WRN: variants seen among roughly 807,000 people sequenced by gnomAD.
WRN encodes WRN RecQ like helicase.
WRN carries 149 observed loss-of-function variants against 180.7 expected under a neutral mutation model. The observed-to-expected ratio is 0.82, with a 90% CI of 0.72 to 0.94. The LOEUF is 0.94. Ranked by LOEUF, WRN falls within the 40% of genes least tolerant of loss-of-function variation. The pLI is 0.00. For synonymous variants in WRN, 548 were observed against 568.9 expected (o/e 0.96, Z 0.52); for missense variants, 1,661 against 1,700.1 (o/e 0.98, Z 0.40).
chr8:31,044,277 G>C (rs1047894682), intron 1 of WRN, among the ~76,000 whole-genome samples: 1 of 146,238 alleles, frequency 6.8e-6, no homozygotes, highest in East Asian at 2.1e-4. Context: ...TCCTGACCTT[G>C]TTATCTGCCC....
intron 1 of WRN, among the ~76,000 whole-genome samples, chr8:31,051,168 T>A (rs1269998659): frequency 6.6e-6 from 1 of 152,068 alleles, no homozygotes; most frequent in African/African-American, 2.4e-5. Flanking sequence ...ATGGTAACAG[T>A]AGGTATTAAT....
At chr8:31,151,571 C>G (rs557442201) in intron 31 of WRN, among the ~76,000 whole-genome samples, 1 of 152,198 alleles carries the variant, frequency 6.6e-6, no homozygotes, top group Admixed American at 6.5e-5. Context: ...GAATATCATA[C>G]CTACCAGCGG....
At chr8:31,067,547 AT>A (rs1812759474) in intron 6 of WRN, among the ~76,000 whole-genome samples, 1 of 152,200 alleles carries the variant, frequency 6.6e-6, no homozygotes, top group South Asian at 2.1e-4. Flanking sequence ...CAGAATGAAA[AT>A]AATTATAGTA....
In WRN at chr8:31,154,768, T is replaced by C. The variant is rs1803313857; in HGVS notation, c.3819+13T>C. The C allele has an allele frequency of 6.2e-7, 1 of 1,613,104 alleles. No individual in the cohort carries two copies. Among genetic ancestry groups the C allele is most frequent in the African/African-American group, 1.3e-5 (1 of 74,898 alleles). On this transcript the variant is annotated intron_variant, in intron 32 of 34. Coordinates refer to ENST00000298139, the MANE Select transcript of WRN (RefSeq NM_000553.6). Reference sequence around the variant, plus strand: ...GAAGATGCCTTTGGTAAGTGTGACTTTCATGTTACAGGGAATTTTTTTAGT... The same window carrying C: ...GAAGATGCCTTTGGTAAGTGTGACTCTCATGTTACAGGGAATTTTTTTAGT...
At chr8:31,054,680 A>C (rs1411576783) in intron 1 of WRN, among the ~76,000 whole-genome samples, 4 of 152,246 alleles carry the variant, frequency 2.6e-5, no homozygotes, top group African/African-American at 9.6e-5. Context: ...GGGGGGTTTA[A>C]AATCCTTTAA....
chr8:31,114,486 C>T (rs997894598), intron 19 of WRN, among the ~76,000 whole-genome samples: 7 of 152,116 alleles, frequency 4.6e-5, no homozygotes, highest in African/African-American at 7.2e-5. Flanking sequence ...TTATCTGTTA[C>T]ATAAGTTCAA....
chr8:31,090,351 A>G (rs1030972244), intron 13 of WRN, 114 bp from the exon 14 acceptor site: 18 of 1,019,080 alleles, frequency 1.8e-5, no homozygotes, highest in Non-Finnish European at 2.7e-5. Context: ...GCATTTATGT[A>G]TGAAGTTTGA....
intron 21 of WRN, among the ~76,000 whole-genome samples, chr8:31,121,418 A>G (rs1466126686): frequency 6.6e-6 from 1 of 152,020 alleles, no homozygotes; most frequent in Non-Finnish European, 1.5e-5. Context: ...AGTAGTAAAG[A>G]AAAGCAAAGT....
At chr8:31,087,578 C>A in intron 11 of WRN, 198 bp from the exon 12 acceptor site, 2 of 535,510 alleles carry the variant, frequency 3.7e-6, no homozygotes, top group South Asian at 4.1e-5. Context: ...AATGTTCCAT[C>A]TTTGGCCTTG....
Position 31,173,904 on chromosome 8 carries a change from C to T in WRN, c.*802C>T, listed in dbSNP as rs929693891. 5 of 152,040 alleles carry T rather than the reference C, an allele frequency of 3.3e-5. No individual in the cohort carries two copies. Among genetic ancestry groups the T allele is most frequent in the South Asian group, 2.1e-4 (1 of 4,824 alleles). 9.4% of individuals were successfully genotyped at this position (152,040 alleles called of 1,614,324 possible). A position where few individuals can be genotyped will look rare whatever the true frequency, so the allele number is the denominator to read the frequency against. ...ATACTGTGACACAGAGTTGGGTAAA[C>T]GATGATTATTTAACTTTAAGCAGTT... On this transcript the variant is annotated 3_prime_UTR_variant, in exon 35 of 35. Coordinates refer to ENST00000298139, the MANE Select transcript of WRN (RefSeq NM_000553.6).
chr8:31,107,905 A>C (rs1238830229), intron 18 of WRN, among the ~76,000 whole-genome samples: 3 of 152,342 alleles, frequency 2.0e-5, no homozygotes, highest in Non-Finnish European at 4.4e-5. Flanking sequence ...CTTTCTCCCC[A>C]GTATCTATTA....
At chr8:31,048,073 C>A in intron 1 of WRN, among the ~76,000 whole-genome samples, 2 of 152,244 alleles carry the variant, frequency 1.3e-5, no homozygotes, top group South Asian at 2.1e-4. Context: ...TTTATTAGTA[C>A]AAAATTGTGC....
chr8:31,066,048 T>C (rs957424532), intron 5 of WRN, among the ~76,000 whole-genome samples: 3 of 151,658 alleles, frequency 2.0e-5, no homozygotes, highest in Non-Finnish European at 4.4e-5. Context: ...CTAGCTAATT[T>C]TGTATTTTTA....
intron 1 of WRN, among the ~76,000 whole-genome samples, chr8:31,055,881 A>G (rs994378183): frequency 2.6e-5 from 4 of 152,190 alleles, no homozygotes; most frequent in Non-Finnish European, 5.9e-5. Context: ...AGGAATTACA[A>G]TCCTCACGTA....
intron 1 of WRN, among the ~76,000 whole-genome samples, chr8:31,037,958 G>T (rs1191629162): frequency 1.3e-5 from 2 of 151,930 alleles, no homozygotes; most frequent in Non-Finnish European, 1.5e-5. Context: ...TATTCCATTT[G>T]TTTATATTAT....
intron 30 of WRN, among the ~76,000 whole-genome samples, chr8:31,148,767 A>G (rs1802969905): frequency 1.3e-5 from 2 of 152,230 alleles, no homozygotes; most frequent in Non-Finnish European, 2.9e-5. Context: ...TGTAGCACTT[A>G]CCACACAATG....
chr8:31,086,914 T>A (rs1406051564), intron 11 of WRN, among the ~76,000 whole-genome samples: 1 of 152,196 alleles, frequency 6.6e-6, no homozygotes, highest in Non-Finnish European at 1.5e-5. Context: ...ACATTAAATC[T>A]CTTAGAAGGC....
At chr8:31,048,688 A>T (rs891045730) in intron 1 of WRN, among the ~76,000 whole-genome samples, 1 of 152,338 alleles carries the variant, frequency 6.6e-6, no homozygotes, top group Middle Eastern at 3.4e-3. Flanking sequence ...TAAAAATGAA[A>T]GGCTTTTTGA....
intron 24 of WRN, among the ~76,000 whole-genome samples, chr8:31,137,258 A>C (rs1802436317): frequency 6.6e-6 from 1 of 152,116 alleles, no homozygotes. Context: ...AGGGGAAGGG[A>C]CAGTTAATCC....
Sources: gnomAD v4.1 joint callset for allele counts (sites outside exome capture counted in the v4.1 genomes callset) on GRCh38, gnomAD v4.1.1 for gene constraint, MANE v1.5 for transcripts, NCBI Gene and HGNC (gene_info 2026-07-23, HGNC 2026-07-21) for gene names.